LRP1B: variants seen among roughly 807,000 people sequenced by gnomAD.
LRP1B encodes low-density lipoprotein receptor-related protein 1B.
In LRP1B, 217 loss-of-function variants were observed where a neutral mutation model predicts 556.6. That is an observed-to-expected ratio of 0.39 (90% confidence interval 0.35 to 0.44). The LOEUF is 0.44. Among genes scored for constraint, LRP1B ranks in the 20% least tolerant of loss-of-function variants. LRP1B has a pLI of 1.00. For missense variants in LRP1B, 5,053 were observed against 5,620.8 expected (o/e 0.90, Z 3.23); for synonymous variants, 2,047 against 1,865.8 (o/e 1.10, Z -2.50).
chr2:141,583,734 A>G (rs1314619015), intron 2 of LRP1B, among the ~76,000 whole-genome samples: 1 of 151,880 alleles, frequency 6.6e-6, no homozygotes. Flanking sequence ...GGTAAATATA[A>G]GAATATTTTA....
chr2:140,862,218 T>C (rs1692819597), intron 27 of LRP1B, among the ~76,000 whole-genome samples: 1 of 152,170 alleles, frequency 6.6e-6, no homozygotes, highest in Non-Finnish European at 1.5e-5. Context: ...CTGCAAATGA[T>C]GGCCTAAAGG....
rs181732134 is a variant in LRP1B, at chr2:140,659,891, T to C, written c.6799+40359A>G. 7.6e-4 allele frequency among the ~76,000 whole-genome samples: 115 copies of C among 152,192 alleles called. 1 individual carries two copies. The highest frequency in any genetic ancestry group is 6.0e-3 in the Admixed American group (91 of 15,280). On this transcript the variant is annotated intron_variant, in intron 41 of 90. Transcript: ENST00000389484. The stretch of plus-strand genomic sequence containing the variant: ...AATAGATTATTTGGGGAGTAACACA[T>C]TGATTTTTAATCTCTTCTTTAACTT...
Position 141,007,102 on chromosome 2 carries a change from A to G in LRP1B, c.2381-1645T>C, listed in dbSNP as rs145319734. Among the ~76,000 whole-genome samples the G allele has an allele frequency of 2.0e-3, 306 of 152,046 alleles. 1 individual carries two copies. The highest frequency in any genetic ancestry group is 7.1e-3 in the African/African-American group (295 of 41,556). On this transcript the variant is annotated intron_variant, in intron 14 of 90. Coordinates refer to ENST00000389484, the MANE Select transcript of LRP1B (RefSeq NM_018557.3). Reference sequence around the variant, plus strand: ...ATATTTTACTGAAACATTAAAAATAAAGAGCTTTTAATTACTTAGAGCCAT... The same window carrying G: ...ATATTTTACTGAAACATTAAAAATAGAGAGCTTTTAATTACTTAGAGCCAT...
chr2:140,332,583 T>C (rs1680869937), intron 79 of LRP1B, among the ~76,000 whole-genome samples: 1 of 152,068 alleles, frequency 6.6e-6, no homozygotes. Context: ...GAAGCAGCTT[T>C]GCTTGGAACA....
chr2:141,264,262 T>C (rs1460873268), intron 3 of LRP1B, among the ~76,000 whole-genome samples: 1 of 152,210 alleles, frequency 6.6e-6, no homozygotes, highest in Non-Finnish European at 1.5e-5. Context: ...AAAGTTTATT[T>C]AATAAACGTG....
At chr2:140,324,335 G>A (rs987663950) in intron 80 of LRP1B, among the ~76,000 whole-genome samples, 1 of 151,860 alleles carries the variant, frequency 6.6e-6, no homozygotes, top group Non-Finnish European at 1.5e-5. Context: ...TTTTCTGGGG[G>A]TTATTATTTG....
chr2:140,479,514 C>A (rs778224186), intron 59 of LRP1B, among the ~76,000 whole-genome samples: 1 of 152,002 alleles, frequency 6.6e-6, no homozygotes, highest in Non-Finnish European at 1.5e-5. Flanking sequence ...AACAATAGGC[C>A]TCTGTGAATT....
At chr2:141,189,977 T>C (rs1681437309) in intron 6 of LRP1B, among the ~76,000 whole-genome samples, 1 of 26,440 alleles carries the variant, frequency 3.8e-5, no homozygotes, top group Admixed American at 3.9e-4. Flanking sequence ...AAAGAAAGCA[T>C]CTGTAATAAA....
intron 47 of LRP1B, among the ~76,000 whole-genome samples, chr2:140,533,005 T>C (rs1053843738): frequency 1.3e-4 from 20 of 150,292 alleles, no homozygotes; most frequent in Non-Finnish European, 2.1e-4. Context: ...TTTGATATTC[T>C]TGAGTACAGG....
chr2:141,186,479 A>G (rs1019655638), intron 7 of LRP1B, among the ~76,000 whole-genome samples: 5 of 152,086 alleles, frequency 3.3e-5, no homozygotes, highest in African/African-American at 1.2e-4. Flanking sequence ...AGAGAAAAAT[A>G]GAATGTATTT....
chr2:141,109,100 T>C (rs144742071), intron 7 of LRP1B, among the ~76,000 whole-genome samples: 34 of 152,330 alleles, frequency 2.2e-4, no homozygotes, highest in Non-Finnish European at 4.3e-4. Flanking sequence ...TAGACTTCTG[T>C]GTTTCTGGCC....
chr2:140,313,328 G>C (rs542683599), intron 83 of LRP1B, among the ~76,000 whole-genome samples: 2 of 151,832 alleles, frequency 1.3e-5, no homozygotes, highest in Non-Finnish European at 2.9e-5. Context: ...TGTGTGCACA[G>C]ACAAAATCGA....
rs1463928088 is a variant in LRP1B, at chr2:140,323,960, C to A, written c.12447G>T (p.Glu4149Asp). 3 of 1,599,410 alleles carry A rather than the reference C, an allele frequency of 1.9e-6. No individual in the cohort carries two copies. Among genetic ancestry groups the A allele is most frequent in the Non-Finnish European group, 2.6e-6 (3 of 1,167,424 alleles). ...TTTTATCAATATTTAAAGCTAAGTA[C>A]TCTACTGAACCATGGCCAAATTTTT... ...RVQKFGHGSV[E>D]YLALNIDKTK... The change falls in exon 81 of 91, where the codon GAG (glutamate) becomes GAT (aspartate). Residue 4149 changes from glutamate (E) to aspartate (D), a missense_variant. Physicochemically the swap from Glu to Asp is conservative, Grantham distance 45. This residue lies in a region of LRP1B where 551 missense variants were observed against 592.0 expected (regional missense o/e 0.93). Coordinates refer to ENST00000389484, the MANE Select transcript of LRP1B (RefSeq NM_018557.3).
At chr2:141,761,693 T>C (rs1037709622) in intron 2 of LRP1B, among the ~76,000 whole-genome samples, 1 of 152,166 alleles carries the variant, frequency 6.6e-6, no homozygotes, top group African/African-American at 2.4e-5. Flanking sequence ...CATCACTTTA[T>C]TCCTAAGCCA....
rs1418812768 is a variant in LRP1B at position 141,821,450 on chromosome 2, G to A, written c.83-11049C>T. 2.6e-5 allele frequency among the ~76,000 whole-genome samples: 4 copies of A among 152,068 alleles called. No individual in the cohort carries two copies. The South Asian group carries it at 6.2e-4, about 24-fold the overall frequency. ...TAAATTGGCTTTTCTTCTCCTTGAT[G>A]TCAAATGTCAGTCCCAATACACTGG... On this transcript the variant is annotated intron_variant, in intron 1 of 90. Coordinates refer to ENST00000389484, the MANE Select transcript of LRP1B (RefSeq NM_018557.3).
At chr2:140,780,727 A>G (rs1293440032) in intron 32 of LRP1B, among the ~76,000 whole-genome samples, 1 of 152,200 alleles carries the variant, frequency 6.6e-6, no homozygotes, top group Non-Finnish European at 1.5e-5. Flanking sequence ...GGTTACATTC[A>G]TTTAAAACTG....
At chr2:141,935,818 A>G (rs1340004955) in intron 1 of LRP1B, among the ~76,000 whole-genome samples, 2 of 152,214 alleles carry the variant, frequency 1.3e-5, no homozygotes, top group African/African-American at 4.8e-5. Context: ...TTTAAATCCA[A>G]AAAGCACTAT....
At chr2:140,253,984 T>C (rs999114736) in intron 86 of LRP1B, among the ~76,000 whole-genome samples, 1 of 152,124 alleles carries the variant, frequency 6.6e-6, no homozygotes, top group Non-Finnish European at 1.5e-5. Context: ...GAAATCTCAA[T>C]GCTTAGTGCC....
intron 41 of LRP1B, among the ~76,000 whole-genome samples, chr2:140,612,099 T>C (rs1683092378): frequency 6.6e-6 from 1 of 152,102 alleles, no homozygotes; most frequent in Admixed American, 6.5e-5. Context: ...GTACCTACTA[T>C]GTGCCCAGCC....
Sources: allele counts gnomAD v4.1 joint callset (sites outside exome capture counted in the v4.1 genomes callset), GRCh38; gene constraint gnomAD v4.1.1; regional missense constraint gnomAD v4.1.1; transcripts MANE v1.5; gene names NCBI Gene and HGNC (gene_info 2026-07-23, HGNC 2026-07-21).